UXS1: variants seen among roughly 807,000 people sequenced by gnomAD.
UXS1 encodes the protein UDP-glucuronic acid decarboxylase 1.
UXS1 carries 33 observed loss-of-function variants against 62.6 expected under a neutral mutation model. That is an observed-to-expected ratio of 0.53 (90% CI 0.40 to 0.70). The LOEUF (loss-of-function observed/expected upper bound fraction) is 0.70, where lower values mean the gene tolerates loss of function less well. Among genes scored for constraint, UXS1 ranks in the 30% least tolerant of loss-of-function variants. The pLI, the probability that UXS1 is intolerant of heterozygous loss-of-function variation, is 0.00. For synonymous variants in UXS1, 213 were observed against 206.8 expected (o/e 1.03, Z -0.26); for missense variants, 434 against 556.3 (o/e 0.78, Z 2.21).
Position 106,171,591 on chromosome 2 carries a change from T to C in UXS1, c.95-5508A>G, listed in dbSNP as rs191448574. 7.9e-3 allele frequency among the ~76,000 whole-genome samples: 1,207 copies of C among 152,344 alleles called. 6 individuals carry two copies. The highest frequency in any genetic ancestry group is 0.012 in the Non-Finnish European group (847 of 68,034). On this transcript the variant is annotated intron_variant, in intron 1 of 14. Coordinates refer to ENST00000283148, the MANE Select transcript of UXS1 (RefSeq NM_001253875.2). Reference sequence around the variant, plus strand: ...GCACATTTGTTTTAGAATAGGGATATAGCCTGAGTCCCTGAATGCCAGGCC... The same window carrying C: ...GCACATTTGTTTTAGAATAGGGATACAGCCTGAGTCCCTGAATGCCAGGCC...
chr2:106,109,975 G>A (rs1436534108), intron 10 of UXS1, among the ~76,000 whole-genome samples: 12 of 152,204 alleles, frequency 7.9e-5, no homozygotes, highest in Admixed American at 5.9e-4. Context: ...TCAGTAAGCC[G>A]AGTGTTTCTA....
chr2:106,107,090 C>G (rs1486799220), intron 10 of UXS1, among the ~76,000 whole-genome samples: 2 of 152,178 alleles, frequency 1.3e-5, no homozygotes, highest in African/African-American at 4.8e-5. Flanking sequence ...GTCACAGGCT[C>G]CTCCACAGGT....
chr2:106,112,531 C>T, intron 10 of UXS1, 115 bp downstream of exon 10: 2 of 1,468,908 alleles, frequency 1.4e-6, no homozygotes, highest in Non-Finnish European at 1.8e-6. Context: ...AGCGGGTATA[C>T]ATGGCAGCTT....
intron 8 of UXS1, among the ~76,000 whole-genome samples, chr2:106,124,908 CT>C (rs532923094): frequency 2.0e-5 from 3 of 152,162 alleles, no homozygotes; most frequent in South Asian, 2.1e-4. Context: ...ACTTCCTTCT[CT>C]TGTCCACAAT....
intron 9 of UXS1, among the ~76,000 whole-genome samples, chr2:106,116,887 C>A (rs2104900917): frequency 6.6e-6 from 1 of 152,298 alleles, no homozygotes; most frequent in African/African-American, 2.4e-5. Context: ...TATGTCTGAC[C>A]TTGCCCTGCT....
intron 13 of UXS1, chr2:106,097,561 C>G (rs1677222924): frequency 4.1e-6 from 1 of 245,268 alleles, no homozygotes; most frequent in South Asian, 5.6e-5. Flanking sequence ...GCCCCTCCCC[C>G]CAGCCTTAGG....
chr2:106,185,905 C>T (rs184881281), intron 1 of UXS1, among the ~76,000 whole-genome samples: 116 of 152,092 alleles, frequency 7.6e-4, no homozygotes, highest in Admixed American at 2.5e-3. Flanking sequence ...CTCAGCCCTG[C>T]CAACACCTTG....
Position 106,097,046 on chromosome 2 carries a change from C to T in UXS1, c.1043-225G>A, listed in dbSNP as rs939190590. The T allele has an allele frequency of 9.1e-6, 6 of 662,868 alleles. No individual in the cohort carries two copies. The African/African-American group carries it at 1.1e-4, about 12-fold the overall frequency. The allele number at this position is 662,868 out of a possible 1,614,324, so 41.1% of individuals were successfully genotyped here. ...TGGCCAAGCTGACTGTGTGCAGGCGCCCAGCAAGAGCTCGGTGGGGGGCAG... is the reference window on the plus strand; with the variant it reads ...TGGCCAAGCTGACTGTGTGCAGGCGTCCAGCAAGAGCTCGGTGGGGGGCAG... On this transcript the variant is annotated intron_variant, in intron 13 of 14. Transcript: ENST00000283148.
intron 9 of UXS1, among the ~76,000 whole-genome samples, chr2:106,122,569 A>G (rs939483575): frequency 6.6e-5 from 10 of 152,374 alleles, no homozygotes; most frequent in Admixed American, 1.3e-4. Context: ...ATAAATATCA[A>G]TAACAATAAA....
intron 8 of UXS1, among the ~76,000 whole-genome samples, chr2:106,125,130 G>A (rs1001733507): frequency 6.6e-6 from 1 of 152,134 alleles, no homozygotes; most frequent in Non-Finnish European, 1.5e-5. Context: ...AAGCTCGTGG[G>A]TGTTCTGACA....
intron 1 of UXS1, among the ~76,000 whole-genome samples, chr2:106,178,158 C>T (rs995593763): frequency 2.0e-5 from 3 of 152,204 alleles, no homozygotes; most frequent in African/African-American, 7.2e-5. Context: ...TCTCTGTGCC[C>T]GCCGCGTGGG....
chr2:106,181,965 T>A (rs1487745406), intron 1 of UXS1, among the ~76,000 whole-genome samples: 1 of 152,174 alleles, frequency 6.6e-6, no homozygotes, highest in Non-Finnish European at 1.5e-5. Context: ...AAAGGAGAAA[T>A]TTTTTTAAAA....
chr2:106,155,324 A>G (rs1682347991), intron 5 of UXS1, among the ~76,000 whole-genome samples: 3 of 152,258 alleles, frequency 2.0e-5, no homozygotes, highest in Non-Finnish European at 4.4e-5. Flanking sequence ...GTTCATTGCT[A>G]GCAGACCTAC....
intron 9 of UXS1, among the ~76,000 whole-genome samples, chr2:106,115,022 A>C (rs937913264): frequency 6.6e-6 from 1 of 151,970 alleles, no homozygotes; most frequent in Non-Finnish European, 1.5e-5. Context: ...GGCGACCCCC[A>C]GTCAATATGT....
At chr2:106,094,298 G>GGTT in intron 14 of UXS1, 141 bp from the exon 15 acceptor site, 1 of 997,868 alleles carries the variant, frequency 1.0e-6, no homozygotes, top group Non-Finnish European at 1.4e-6. Context: ...ACAGAACCAT[G>GGTT]CTTTGGTTGT....
intron 4 of UXS1, among the ~76,000 whole-genome samples, chr2:106,163,327 T>C (rs1321128201): frequency 1.7e-4 from 1 of 6,036 alleles, no homozygotes; most frequent in African/African-American, 1.9e-4. Flanking sequence ...TGTTTGCATA[T>C]GGTACATTTC....
At chr2:106,123,898 CTTGT>C (rs1298237909) in intron 8 of UXS1, among the ~76,000 whole-genome samples, 2 of 152,214 alleles carry the variant, frequency 1.3e-5, no homozygotes, top group African/African-American at 4.8e-5. Context: ...AAATTCCCAT[CTTGT>C]TTATCTTACC....
At chr2:106,143,235 C>T (rs545432713) in intron 6 of UXS1, among the ~76,000 whole-genome samples, 42 of 150,606 alleles carry the variant, frequency 2.8e-4, no homozygotes, top group African/African-American at 8.8e-4. Flanking sequence ...GGTGAAACCC[C>T]GTCTCTACTA....
chr2:106,187,052 GTATA>G (rs998134822), intron 1 of UXS1, among the ~76,000 whole-genome samples: 2 of 151,624 alleles, frequency 1.3e-5, no homozygotes, highest in African/African-American at 2.4e-5. Context: ...AACAAAAAAA[GTATA>G]TATAAAATAT....
Sources: allele counts gnomAD v4.1 joint callset (sites outside exome capture counted in the v4.1 genomes callset), GRCh38; gene constraint gnomAD v4.1.1; transcripts MANE v1.5; gene names NCBI Gene and HGNC (gene_info 2026-07-23, HGNC 2026-07-21).